Variants in TMEM63A observed in about 807,000 individuals in gnomAD.
The protein encoded by TMEM63A is transmembrane protein 63A.
A neutral mutation model predicts 100.6 loss-of-function variants in TMEM63A; 76 were observed. The observed-to-expected ratio is 0.76, with a 90% CI of 0.63 to 0.91. The LOEUF (loss-of-function observed/expected upper bound fraction) is 0.91. TMEM63A is among the 40% of genes least tolerant of loss of function. The probability of loss-of-function intolerance (pLI) is 0.00; values close to 1 mark genes in which losing one functional copy is unlikely to be tolerated. For synonymous variants in TMEM63A, 401 were observed against 401.1 expected (o/e 1.00, Z 0.00); for missense variants, 876 against 1,008.8 (o/e 0.87, Z 1.78).
In TMEM63A at chr1:225,867,268, C is replaced by T. The variant is rs1366377203; in HGVS notation, c.515-105G>A. The stretch of plus-strand genomic sequence containing the variant: ...GGAGCTCTGGGGAGGAGGAGCATGT[C>T]TGGACCAGCAGGAAGACAACGTCTG... On this transcript the variant is annotated intron_variant, in intron 7 of 24. Transcript: ENST00000366835. The surrounding 1 kb of genome is among the most constrained non-coding windows in gnomAD (Gnocchi z 4.6). 3.4e-6 allele frequency: 4 copies of T among 1,179,996 alleles called. No individual in the cohort carries two copies. The highest frequency in any genetic ancestry group is 5.1e-6 in the Non-Finnish European group (4 of 787,636). The allele number at this position is 1,179,996 out of a possible 1,614,324, so 73.1% of individuals were successfully genotyped here. A position where few individuals can be genotyped will look rare whatever the true frequency, so the allele number is the denominator to read the frequency against.
Position 225,857,111 on chromosome 1 carries a change from C to T in TMEM63A, c.1378-94G>A, listed in dbSNP as rs1348333494. On this transcript the variant is annotated intron_variant, in intron 15 of 24. Transcript: ENST00000366835. ...TATTGGTATGGTCGCTCAGTGGACT[C>T]CCAGGGTAGGAGTTTGTCATCTCTG... 1.8e-6 allele frequency: 2 copies of T among 1,083,832 alleles called. 1 individual carries two copies. Among genetic ancestry groups the T allele is most frequent in the East Asian group, 6.0e-5 (2 of 33,202 alleles). The allele number at this position is 1,083,832 out of a possible 1,614,324, so 67.1% of individuals were successfully genotyped here. A position where few individuals can be genotyped will look rare whatever the true frequency, so the allele number is the denominator to read the frequency against.
At chr1:225,874,215 T>A in intron 4 of TMEM63A, 73 bp downstream of exon 4, 1 of 1,432,706 alleles carries the variant, frequency 7.0e-7, no homozygotes, top group East Asian at 2.3e-5. Flanking sequence ...CACGCACATA[T>A]ACACACTCAC....
In TMEM63A at chr1:225,860,964, C is replaced by A. The variant is rs1489521319; in HGVS notation, c.1119G>T (p.Gln373His). ...GGGGCTCACCTTTGCACTGAAGGCT[C>A]TGACACTTGCAGGCATTGAAATCTT... is the stretch of plus-strand genomic sequence containing the variant. ...ILKDFNACKC[Q>H]SLQCKGEPQP... Residue 373 changes from glutamine (Q) to histidine (H), a missense_variant, in exon 14 of 25, where the codon CAG (glutamine) becomes CAT (histidine). Coordinates refer to ENST00000366835, the MANE Select transcript of TMEM63A (RefSeq NM_014698.3). 2 of 1,612,516 alleles carry A rather than the reference C, an allele frequency of 1.2e-6. No homozygotes were observed. The highest frequency in any genetic ancestry group is 2.7e-5 in the African/African-American group (2 of 74,838).
At chr1:225,852,814 C>G in intron 19 of TMEM63A, 45 bp from the exon 20 acceptor site, 1 of 1,557,296 alleles carries the variant, frequency 6.4e-7, no homozygotes, top group African/African-American at 1.4e-5. Context: ...TGTTCCACCT[C>G]AAACACCCTT....
chr1:225,873,740 G>GT (rs1420613012), intron 4 of TMEM63A, among the ~76,000 whole-genome samples: 1 of 152,206 alleles, frequency 6.6e-6, no homozygotes, highest in Non-Finnish European at 1.5e-5. Flanking sequence ...TGGCAGGAGG[G>GT]TGGGGCAGTT....
chr1:225,880,710 C>T (rs113710866), intron 1 of TMEM63A, among the ~76,000 whole-genome samples: 1 of 152,302 alleles, frequency 6.6e-6, no homozygotes, highest in Non-Finnish European at 1.5e-5. Flanking sequence ...CGCTCCCAAC[C>T]CAAAGTTCAA....
chr1:225,850,230 T>G, intron 20 of TMEM63A, 151 bp from the exon 21 acceptor site: 1 of 841,388 alleles, frequency 1.2e-6, no homozygotes, highest in East Asian at 2.7e-5. Context: ...CCTGCACCTC[T>G]GGCTACTAGT....
intron 1 of TMEM63A, among the ~76,000 whole-genome samples, chr1:225,879,682 G>A (rs360100): frequency 0.57 from 87,207 of 152,008 alleles, 26,958 homozygotes; most frequent in Non-Finnish European, 0.67. Context: ...CAATGGCTCA[G>A]GGACCTGCTG....
In TMEM63A at chr1:225,867,982, C is replaced by CA; in HGVS notation, c.419dup (p.Ser141ValfsTer37). On this transcript the variant is annotated frameshift_variant, in exon 7 of 25. Coordinates refer to ENST00000366835, the MANE Select transcript of TMEM63A (RefSeq NM_014698.3). LOFTEE classifies it high-confidence loss of function. This position sits in a 1 kb window ranked among gnomAD's most constrained non-coding sequence, Gnocchi z 4.6. ...GGAAGATGATGTGCCTCTGGAAGGA[C>CA]AGGTAGTGGATGGCGTCCTCCCCAC... 3.7e-6 allele frequency: 6 copies of CA among 1,614,150 alleles called. No individual in the cohort carries two copies. The highest frequency in any genetic ancestry group is 5.1e-6 in the Non-Finnish European group (6 of 1,180,032).
In TMEM63A at chr1:225,872,025, T is replaced by A. The variant is rs1287720222; in HGVS notation, c.295A>T (p.Thr99Ser). The stretch of plus-strand genomic sequence containing the variant: ...AAGTCTTGTTGACCTGAGGAGGAAG[T>A]CGATGACAATCTCTGAAATCTGGAC... ...SESRFQRLSS[T>S]SSSGQQDFEN... is the part of the protein sequence containing the mutation. The change falls in exon 5 of 25, where the codon ACT (threonine) becomes TCT (serine). Residue 99 changes from threonine (T) to serine (S), a missense_variant. Coordinates refer to ENST00000366835, the MANE Select transcript of TMEM63A (RefSeq NM_014698.3). 30 of 1,611,944 alleles carry A rather than the reference T, an allele frequency of 1.9e-5. No homozygotes were observed. The highest frequency in any genetic ancestry group is 2.4e-5 in the Non-Finnish European group (28 of 1,179,340).
In TMEM63A at chr1:225,862,891, A is replaced by G. The variant is rs1670015951; in HGVS notation, c.747-40T>C. On this transcript the variant is annotated intron_variant, in intron 10 of 24. Transcript: ENST00000366835. The surrounding 1 kb of genome is among the most constrained non-coding windows in gnomAD (Gnocchi z 5.1). ...AGAAGGAGGCAAAAGACACCGTTGGAAAAGAAAACACCCCAAGCAGGAGAC... is the reference window on the plus strand; with the variant it reads ...AGAAGGAGGCAAAAGACACCGTTGGGAAAGAAAACACCCCAAGCAGGAGAC... 1.3e-6 allele frequency: 2 copies of G among 1,591,092 alleles called. No individual in the cohort carries two copies. Among genetic ancestry groups the G allele is most frequent in the East Asian group, 4.5e-5 (2 of 44,424 alleles).
rs930566633 is a variant in TMEM63A at position 225,862,537 on chromosome 1, T to C, written c.869A>G (p.Gln290Arg). 1.2e-6 allele frequency: 2 copies of C among 1,613,944 alleles called. No homozygotes were observed. Among genetic ancestry groups the C allele is most frequent in the Non-Finnish European group, 1.7e-6 (2 of 1,179,980 alleles). The change falls in exon 12 of 25, where the codon CAG becomes CGG. Residue 290 changes from glutamine to arginine, a missense_variant. By Grantham distance (43) the Gln-to-Arg change is conservative (BLOSUM62 1). Transcript: ENST00000366835. This position sits in a 1 kb window ranked among gnomAD's most constrained non-coding sequence, Gnocchi z 5.1. ...GAGGGTCCGCTGGCCTGTCTTCACC[T>C]GCAGGTTTGTGTAATAGGTCAGGCT... is the stretch of plus-strand genomic sequence containing the variant. ...EKSLTYYTNL[Q>R]VKTGQRTLIN...
chr1:225,855,037 C>T (rs1177056982), intron 18 of TMEM63A, among the ~76,000 whole-genome samples: 2 of 152,230 alleles, frequency 1.3e-5, no homozygotes, highest in Non-Finnish European at 2.9e-5. Flanking sequence ...TAGACTATTG[C>T]TGGCTGTATG....
At chr1:225,851,232 C>T (rs1196238339) in intron 20 of TMEM63A, among the ~76,000 whole-genome samples, 1 of 152,230 alleles carries the variant, frequency 6.6e-6, no homozygotes, top group Non-Finnish European at 1.5e-5. Context: ...CCTTCTCCCA[C>T]CCGGCTGATC....
At chr1:225,861,532 C>T (rs968359213) in intron 13 of TMEM63A, 1 of 154,022 alleles carries the variant, frequency 6.5e-6, no homozygotes, top group Non-Finnish European at 1.4e-5. Context: ...ATGCCTTCCC[C>T]TTTCCTCCTG....
downstream of TMEM63A, chr1:225,845,065 A>G (rs567266612): frequency 1.4e-5 from 20 of 1,465,122 alleles, no homozygotes; most frequent in South Asian, 2.0e-4. Flanking sequence ...TCTCACCCCC[A>G]GGCGCTTTAA....
Position 225,848,984 on chromosome 1 carries a change from G to GGT in TMEM63A, c.2098_2099dup (p.Phe701ProfsTer27). The stretch of plus-strand genomic sequence containing the variant: ...GGATGGTGAGCAGCAGCACCAGGAA[G>GGT]GTGAACAGAGTGGCGGGGGCCTTCA... On this transcript the variant is annotated frameshift_variant, in exon 22 of 25. Coordinates refer to ENST00000366835, the MANE Select transcript of TMEM63A (RefSeq NM_014698.3). LOFTEE classifies it high-confidence loss of function. The GGT allele has an allele frequency of 6.2e-7, 1 of 1,602,482 alleles. No individual in the cohort carries two copies. The highest frequency in any genetic ancestry group is 8.5e-7 in the Non-Finnish European group (1 of 1,175,462).
chr1:225,850,207 C>T (rs940939219), intron 20 of TMEM63A, 128 bp from the exon 21 acceptor site: 2 of 1,027,190 alleles, frequency 1.9e-6, no homozygotes, highest in African/African-American at 1.6e-5. Flanking sequence ...TGCCTGAACA[C>T]AAAATGAGGC....
chr1:225,861,027 C>T, intron 13 of TMEM63A, 30 bp from the exon 14 acceptor site: 1 of 1,573,814 alleles, frequency 6.4e-7, no homozygotes, highest in Non-Finnish European at 8.6e-7. Flanking sequence ...CAGCCAGGCC[C>T]AGGCTACTCA....
Sources: gnomAD v4.1 joint callset for allele counts (sites outside exome capture counted in the v4.1 genomes callset) on GRCh38, gnomAD v4.1.1 for gene constraint, Gnocchi (gnomAD v3.1) non-coding constraint, MANE v1.5 for transcripts, NCBI Gene and HGNC (gene_info 2026-07-23, HGNC 2026-07-21) for gene names.